TBC1D5: variants seen among roughly 807,000 people sequenced by gnomAD.
TBC1D5 encodes TBC1 domain family, member 5.
A neutral mutation model predicts 100.3 loss-of-function variants in TBC1D5; 75 were observed. The observed-to-expected ratio is 0.75, with a 90% CI of 0.62 to 0.91. TBC1D5 has a LOEUF of 0.91. TBC1D5 is among the 40% of genes least tolerant of loss of function. The pLI, the probability that TBC1D5 is intolerant of heterozygous loss-of-function variation, is 0.00. For missense variants in TBC1D5, 910 were observed against 942.4 expected (o/e 0.97, Z 0.45); for synonymous variants, 323 against 325.6 (o/e 0.99, Z 0.09).
chr3:17,710,566 A>G (rs1020154244), intron 1 of TBC1D5, among the ~76,000 whole-genome samples: 1 of 151,422 alleles, frequency 6.6e-6, no homozygotes, highest in African/African-American at 2.4e-5. Context: ...CTCCATCTCA[A>G]TAAATAAATA....
intron 2 of TBC1D5, among the ~76,000 whole-genome samples, chr3:17,584,019 GTAA>G (rs1176048676): frequency 2.0e-5 from 3 of 152,098 alleles, no homozygotes; most frequent in African/African-American, 4.8e-5. Flanking sequence ...AAGTAATGAA[GTAA>G]TAATAAGTGC....
chr3:17,357,310 C>T (rs2091304552), intron 13 of TBC1D5, among the ~76,000 whole-genome samples: 1 of 152,202 alleles, frequency 6.6e-6, no homozygotes, highest in East Asian at 1.9e-4. Flanking sequence ...TTTCTGCCAT[C>T]AGCAATACAA....
intron 19 of TBC1D5, among the ~76,000 whole-genome samples, chr3:17,178,099 T>C (rs1410521167): frequency 1.4e-5 from 2 of 144,798 alleles, no homozygotes; most frequent in Admixed American, 7.1e-5. Flanking sequence ...GGAGTCTCGC[T>C]CTGTCGCCCA....
chr3:17,661,750 A>G (rs1169421536), intron 1 of TBC1D5, among the ~76,000 whole-genome samples: 1 of 152,018 alleles, frequency 6.6e-6, no homozygotes, highest in East Asian at 1.9e-4. Flanking sequence ...TGCCCACCTC[A>G]GCCTCCCAAA....
At chr3:17,605,655 T>C (rs2061291780) in intron 2 of TBC1D5, among the ~76,000 whole-genome samples, 1 of 152,210 alleles carries the variant, frequency 6.6e-6, no homozygotes, top group Non-Finnish European at 1.5e-5. Context: ...CTTCATTTTA[T>C]CTACTTCTAT....
At chr3:17,549,428 A>G (rs1695491132) in intron 2 of TBC1D5, among the ~76,000 whole-genome samples, 1 of 152,230 alleles carries the variant, frequency 6.6e-6, no homozygotes, top group South Asian at 2.1e-4. Context: ...GTCATAAAAC[A>G]TTTAAAAGTA....
intron 2 of TBC1D5, among the ~76,000 whole-genome samples, chr3:17,600,688 A>G (rs1035900091): frequency 2.0e-5 from 3 of 152,216 alleles, no homozygotes; most frequent in African/African-American, 7.2e-5. Flanking sequence ...AAGGGGTCAT[A>G]ACTTTTTTTC....
chr3:17,514,525 T>C (rs1330077926), intron 2 of TBC1D5, among the ~76,000 whole-genome samples: 2 of 152,206 alleles, frequency 1.3e-5, no homozygotes, highest in Non-Finnish European at 2.9e-5. Flanking sequence ...ATAATTTTCA[T>C]GCTATCAGAA....
chr3:17,462,313 C>T (rs1301163868), intron 3 of TBC1D5, among the ~76,000 whole-genome samples: 1 of 148,708 alleles, frequency 6.7e-6, no homozygotes, highest in Non-Finnish European at 1.5e-5. Flanking sequence ...TTAAATGTTT[C>T]GGACCTTAAT....
At chr3:17,634,438 C>G (rs1376001046) in intron 1 of TBC1D5, among the ~76,000 whole-genome samples, 1 of 152,012 alleles carries the variant, frequency 6.6e-6, no homozygotes, top group African/African-American at 2.4e-5. Flanking sequence ...ATGGGTGGAA[C>G]TGGAGGTCAC....
intron 3 of TBC1D5, among the ~76,000 whole-genome samples, chr3:17,461,632 CTGTG>C (rs2095212729): frequency 6.6e-6 from 1 of 151,564 alleles, no homozygotes; most frequent in South Asian, 2.1e-4. Context: ...GTCTCTTTTT[CTGTG>C]TGTGTATGTG....
intron 3 of TBC1D5, among the ~76,000 whole-genome samples, chr3:17,430,186 T>C (rs770779817): frequency 4.6e-5 from 7 of 151,700 alleles, no homozygotes; most frequent in Non-Finnish European, 8.9e-5. Context: ...CTACAACACA[T>C]GTTATTTAAC....
chr3:17,238,279 G>C (rs773979425), exon 17 of TBC1D5: 1 of 1,613,918 alleles, frequency 6.2e-7, no homozygotes, highest in Non-Finnish European at 8.5e-7. Flanking sequence ...TACAACAGAG[G>C]AGGAGCTACT....
intron 13 of TBC1D5, among the ~76,000 whole-genome samples, chr3:17,353,930 C>G (rs1333084277): frequency 1.3e-5 from 2 of 152,062 alleles, no homozygotes; most frequent in Non-Finnish European, 2.9e-5. Flanking sequence ...GCTTGTTTCC[C>G]TCACATATGC....
intron 3 of TBC1D5, among the ~76,000 whole-genome samples, chr3:17,490,983 C>G (rs932947525): frequency 2.6e-5 from 4 of 151,992 alleles, no homozygotes; most frequent in Non-Finnish European, 5.9e-5. Flanking sequence ...CTCTGATTTC[C>G]TTGAGCAGTG....
intron 15 of TBC1D5, among the ~76,000 whole-genome samples, chr3:17,273,732 G>A (rs1027549328): frequency 6.6e-6 from 1 of 151,582 alleles, no homozygotes; most frequent in Non-Finnish European, 1.5e-5. Flanking sequence ...GCTTGAACCC[G>A]GGAGGTGGAG....
chr3:17,705,950 C>A, intron 1 of TBC1D5: 1 of 1,294,924 alleles, frequency 7.7e-7, no homozygotes, highest in South Asian at 1.5e-5. Flanking sequence ...CAGCCGCTGC[C>A]TCCCGGGCGG....
intron 15 of TBC1D5, among the ~76,000 whole-genome samples, chr3:17,271,290 T>A (rs1305177485): frequency 6.6e-6 from 1 of 152,190 alleles, no homozygotes; most frequent in Non-Finnish European, 1.5e-5. Context: ...ATGATTTCTT[T>A]CGGCAGTGTT....
intron 2 of TBC1D5, among the ~76,000 whole-genome samples, chr3:17,619,042 T>A (rs993790934): frequency 6.6e-5 from 10 of 152,092 alleles, no homozygotes; most frequent in Admixed American, 2.6e-4. Flanking sequence ...GGAATGGAAT[T>A]TTTTCAGAAA....
Sources: allele counts gnomAD v4.1 joint callset (sites outside exome capture counted in the v4.1 genomes callset), GRCh38; gene constraint gnomAD v4.1.1; transcripts MANE v1.5; gene names NCBI Gene and HGNC (gene_info 2026-07-23, HGNC 2026-07-21).